The following CPNE4 variants were observed in gnomAD, a reference collection of about 807,000 sequenced individuals.
The protein encoded by CPNE4 is copine-4.
CPNE4 carries 25 observed loss-of-function variants against 67.9 expected under a neutral mutation model. The observed-to-expected ratio is 0.37, with a 90% CI of 0.27 to 0.51. The LOEUF is 0.51. Among genes scored for constraint, CPNE4 ranks in the 20% least tolerant of loss-of-function variants. The pLI is 0.93. For missense variants in CPNE4, 464 were observed against 690.8 expected (o/e 0.67, Z 3.68); for synonymous variants, 242 against 244.9 (o/e 0.99, Z 0.11).
rs190020609 is a variant in CPNE4 at position 131,965,061 on chromosome 3, G to T, written c.-1-59617C>A. Among the ~76,000 whole-genome samples, 658 of 152,238 alleles carry T rather than the reference G, an allele frequency of 4.3e-3. 7 individuals are homozygous for T. Among genetic ancestry groups the T allele is most frequent in the African/African-American group, 0.015 (607 of 41,534 alleles). ...CCCTACAAGCTGGAAGAGAGTGGGG[G>T]CCAATATTCAACATTCTTAAAGAAA... On this transcript the variant is annotated intron_variant, in intron 1 of 15. Coordinates refer to ENST00000429747, the MANE Select transcript of CPNE4 (RefSeq NM_130808.3).
At position 131,654,379 on chromosome 3, in the gene CPNE4, T is replaced by A. The variant is rs568959131; in HGVS notation, c.681+15296A>T. Among the ~76,000 whole-genome samples, 54 of 152,224 alleles carry A rather than the reference T, an allele frequency of 3.5e-4. 1 individual carries two copies. The highest frequency in any genetic ancestry group is 1.5e-3 in the South Asian group (7 of 4,820). On this transcript the variant is annotated intron_variant, in intron 7 of 15. Transcript: ENST00000429747. Reference sequence around the variant, plus strand: ...CTAAGCCTAGTACCAAATTTTTTTTTAATTTTTTTCTGCTCCTGTACCCTC... The same window carrying A: ...CTAAGCCTAGTACCAAATTTTTTTTAAATTTTTTTCTGCTCCTGTACCCTC...
chr3:131,689,691 A>T (rs2080983808), intron 5 of CPNE4, among the ~76,000 whole-genome samples: 1 of 152,232 alleles, frequency 6.6e-6, no homozygotes, highest in Non-Finnish European at 1.5e-5. Context: ...TTCCTGTTCA[A>T]TATAGTACTA....
chr3:131,801,709 T>C (rs1203296957), intron 2 of CPNE4, among the ~76,000 whole-genome samples: 4 of 150,300 alleles, frequency 2.7e-5, no homozygotes, highest in Admixed American at 2.7e-4. Flanking sequence ...CTGGGCATTA[T>C]AGTGCAAAAT....
At chr3:131,757,215 C>T (rs577190727) in intron 2 of CPNE4, among the ~76,000 whole-genome samples, 2 of 152,256 alleles carry the variant, frequency 1.3e-5, no homozygotes, top group East Asian at 1.9e-4. Flanking sequence ...GAGAAGAAGA[C>T]AGGAAAATGT....
At chr3:131,757,250 AC>A (rs2082773205) in intron 2 of CPNE4, among the ~76,000 whole-genome samples, 1 of 152,178 alleles carries the variant, frequency 6.6e-6, no homozygotes, top group Non-Finnish European at 1.5e-5. Context: ...CTTCCTAGAG[AC>A]TTGTTGAATG....
intron 2 of CPNE4, among the ~76,000 whole-genome samples, chr3:131,880,011 A>T (rs2087608535): frequency 6.6e-6 from 1 of 152,102 alleles, no homozygotes; most frequent in African/African-American, 2.4e-5. Flanking sequence ...AAAAACATTG[A>T]TTCATACATC....
intron 2 of CPNE4, among the ~76,000 whole-genome samples, chr3:131,871,814 T>G (rs1057105152): frequency 2.0e-5 from 3 of 152,218 alleles, no homozygotes; most frequent in Non-Finnish European, 4.4e-5. Context: ...GACTTTACCT[T>G]GTACCTGAAA....
At chr3:131,841,145 C>G (rs1464131759) in intron 2 of CPNE4, among the ~76,000 whole-genome samples, 1 of 152,156 alleles carries the variant, frequency 6.6e-6, no homozygotes, top group Admixed American at 6.5e-5. Context: ...ATGTTTCAAC[C>G]TCTTGTTGGC....
chr3:131,925,698 T>C (rs1560611850), intron 1 of CPNE4: 2 of 152,324 alleles, frequency 1.3e-5, no homozygotes, highest in South Asian at 4.1e-4. Context: ...AATACATACA[T>C]GTGTAAATGC....
In CPNE4 at chr3:131,958,609, C is replaced by CTTTTTTTT. The variant is rs748126986; in HGVS notation, c.-1-53173_-1-53166dup. 9.9e-3 allele frequency among the ~76,000 whole-genome samples: 944 copies of CTTTTTTTT among 95,606 alleles called. 66 individuals are homozygous for CTTTTTTTT. Among genetic ancestry groups the CTTTTTTTT allele is most frequent in the African/African-American group, 0.013 (266 of 19,976 alleles). 62.7% of individuals were successfully genotyped at this position (95,606 alleles called of 152,430 possible). On this transcript the variant is annotated intron_variant, in intron 1 of 15. Coordinates refer to ENST00000429747, the MANE Select transcript of CPNE4 (RefSeq NM_130808.3). ...CAATTGATACACCTTTCTTTCTTTT[C>CTTTTTTTT]TTTTTTTTTTTTTTTTTTTTTTTTT...
chr3:131,552,540 C>T (rs780813041), intron 12 of CPNE4, 49 bp from the exon 13 acceptor site: 52 of 1,523,652 alleles, frequency 3.4e-5, no homozygotes, highest in Non-Finnish European at 4.5e-5. Context: ...AGAATTACAA[C>T]TTTAATCCAG....
chr3:131,577,696 T>C (rs1000806759), intron 9 of CPNE4, among the ~76,000 whole-genome samples: 7 of 152,114 alleles, frequency 4.6e-5, no homozygotes, highest in Admixed American at 3.9e-4. Flanking sequence ...GGTGAGTGAA[T>C]GTGAAGGCCT....
chr3:131,801,421 T>TATGG (rs2084116240), intron 2 of CPNE4, among the ~76,000 whole-genome samples: 1 of 42,870 alleles, frequency 2.3e-5, no homozygotes, highest in Non-Finnish European at 4.9e-5. Context: ...TATACGTGTG[T>TATGG]GTGTGTGTGT....
chr3:131,579,993 C>CTGCT (rs1937691983), intron 9 of CPNE4, among the ~76,000 whole-genome samples: 1 of 152,166 alleles, frequency 6.6e-6, no homozygotes, highest in Admixed American at 6.6e-5. Context: ...TGCTATCAGA[C>CTGCT]AGCATCACAT....
chr3:131,537,909 C>T (rs762588400), intron 15 of CPNE4, among the ~76,000 whole-genome samples: 9 of 152,128 alleles, frequency 5.9e-5, no homozygotes, highest in Non-Finnish European at 1.2e-4. Flanking sequence ...TCAATCTTGA[C>T]ACTATTGACA....
chr3:131,904,911 T>G (rs2088687427), intron 2 of CPNE4, among the ~76,000 whole-genome samples: 1 of 152,126 alleles, frequency 6.6e-6, no homozygotes, highest in African/African-American at 2.4e-5. Context: ...AACCAGTTTT[T>G]GGAACTTTCT....
intron 1 of CPNE4, among the ~76,000 whole-genome samples, chr3:131,965,681 TA>T (rs1356089885): frequency 6.6e-6 from 1 of 152,180 alleles, no homozygotes; most frequent in African/African-American, 2.4e-5. Flanking sequence ...CTAACTATCC[TA>T]AATATATATG....
intron 3 of CPNE4, among the ~76,000 whole-genome samples, chr3:131,714,409 A>G (rs1340214653): frequency 6.6e-6 from 1 of 152,218 alleles, no homozygotes; most frequent in Non-Finnish European, 1.5e-5. Context: ...GGCACTCAAA[A>G]TCTTTACCAA....
intron 1 of CPNE4, among the ~76,000 whole-genome samples, chr3:131,978,951 A>G (rs564258552): frequency 1.3e-5 from 2 of 152,158 alleles, no homozygotes; most frequent in South Asian, 4.1e-4. Context: ...TTTTGATCCA[A>G]TGCTCATTCA....
Sources: allele counts gnomAD v4.1 joint callset (sites outside exome capture counted in the v4.1 genomes callset), GRCh38; gene constraint gnomAD v4.1.1; transcripts MANE v1.5; gene names NCBI Gene and HGNC (gene_info 2026-07-23, HGNC 2026-07-21).